FRMD3: variants seen among roughly 807,000 people sequenced by gnomAD.
FRMD3 encodes FERM domain containing 3, also known as FERM domain-containing protein 3.
Under a neutral mutation model 70.2 loss-of-function variants are expected in FRMD3, and 33 were observed. The observed-to-expected ratio is 0.47, with a 90% CI of 0.36 to 0.63. The LOEUF is 0.63. Ranked by LOEUF, FRMD3 falls within the 20% of genes least tolerant of loss-of-function variation. FRMD3 has a pLI of 0.00. For missense variants in FRMD3, 632 were observed against 711.4 expected, an observed-to-expected ratio of 0.89 and a Z score of 1.27; for synonymous variants, 279 against 255.9, an observed-to-expected ratio of 1.09 and a Z score of -0.86.
At chr9:83,452,342 C>A (rs544813147) in intron 1 of FRMD3, among the ~76,000 whole-genome samples, 1 of 152,244 alleles carries the variant, frequency 6.6e-6, no homozygotes, top group East Asian at 1.9e-4. Flanking sequence ...CTCCCTCAAA[C>A]CTTGTTACAA....
Position 83,530,703 on chromosome 9 carries a change from GT to G in FRMD3, c.147+7381del, listed in dbSNP as rs963929273. Among the ~76,000 whole-genome samples the G allele has an allele frequency of 7.9e-5, 12 of 151,586 alleles. No individual in the cohort carries two copies. The South Asian group carries it at 8.4e-4, about 11-fold the overall frequency. On this transcript the variant is annotated intron_variant, in intron 1 of 13. Coordinates refer to ENST00000304195, the MANE Select transcript of FRMD3 (RefSeq NM_174938.6). ...ATATCTTAGTATTATTTTGAAAATA[GT>G]TTTTTTTTAATAGCATGGACTCCAT...
At chr9:83,351,687 T>TGATA (rs10641248) in intron 3 of FRMD3, among the ~76,000 whole-genome samples, 57,489 of 145,384 alleles carry the variant, frequency 0.4, 11,308 homozygotes, top group Middle Eastern at 0.44. Flanking sequence ...GATAGTTACA[T>TGATA]GATAGATAGA....
chr9:83,274,929 G>T (rs569579300), intron 13 of FRMD3, among the ~76,000 whole-genome samples: 1 of 152,348 alleles, frequency 6.6e-6, no homozygotes, highest in African/African-American at 2.4e-5. Flanking sequence ...CTCAGTAGAC[G>T]TGGAGTGTGG....
At chr9:83,494,500 C>T (rs900758920) in intron 1 of FRMD3, among the ~76,000 whole-genome samples, 5 of 152,112 alleles carry the variant, frequency 3.3e-5, no homozygotes, top group African/African-American at 4.8e-5. Flanking sequence ...CCCTGGAAAC[C>T]CACCCCATCT....
At chr9:83,421,873 C>T (rs1826653639) in intron 1 of FRMD3, among the ~76,000 whole-genome samples, 1 of 152,130 alleles carries the variant, frequency 6.6e-6, no homozygotes, top group Non-Finnish European at 1.5e-5. Flanking sequence ...AGATAGCATG[C>T]AATTCACACA....
At chr9:83,467,762 G>C (rs1828168291) in intron 1 of FRMD3, 1 of 1,486,644 alleles carries the variant, frequency 6.7e-7, no homozygotes, top group East Asian at 2.5e-5. Flanking sequence ...GCTCGCTGCA[G>C]TTTGAATACT....
At chr9:83,538,711 G>A (rs1214470637), upstream of FRMD3, among the ~76,000 whole-genome samples, 2 of 152,200 alleles carry the variant, frequency 1.3e-5, no homozygotes, top group Non-Finnish European at 2.9e-5. The surrounding 1 kb of genome is among the most constrained non-coding windows in gnomAD (Gnocchi z 4.7). Flanking sequence ...CCCTCCCCTG[G>A]CCGCTGTCGC....
At chr9:83,417,015 TC>T (rs1213482987) in intron 1 of FRMD3, among the ~76,000 whole-genome samples, 1 of 152,082 alleles carries the variant, frequency 6.6e-6, no homozygotes, top group Non-Finnish European at 1.5e-5. Context: ...CCCAGGCCTC[TC>T]CAATGTTCAC....
At chr9:83,437,437 A>G (rs1827168377) in intron 1 of FRMD3, among the ~76,000 whole-genome samples, 1 of 152,176 alleles carries the variant, frequency 6.6e-6, no homozygotes, top group South Asian at 2.1e-4. Flanking sequence ...ACTCGTGCTC[A>G]TTCTATATTT....
intron 13 of FRMD3, among the ~76,000 whole-genome samples, chr9:83,290,038 T>A (rs1214384369): frequency 6.6e-6 from 1 of 152,098 alleles, no homozygotes; most frequent in Non-Finnish European, 1.5e-5. Context: ...AAATGAAGGA[T>A]CAAGAACAAG....
chr9:83,548,325 A>AG, the FRMD3 span, among the ~76,000 whole-genome samples: 2 of 152,212 alleles, frequency 1.3e-5, no homozygotes, highest in African/African-American at 4.8e-5. Flanking sequence ...AGCAACCAAT[A>AG]TGTCCTTTAA....
intron 12 of FRMD3, among the ~76,000 whole-genome samples, chr9:83,297,341 C>T (rs1289734067): frequency 6.6e-6 from 1 of 152,148 alleles, no homozygotes; most frequent in African/African-American, 2.4e-5. Context: ...ATGCCAGGTG[C>T]TCTCAGGGTG....
chr9:83,261,114 C>G (rs1832968502), intron 13 of FRMD3, among the ~76,000 whole-genome samples: 1 of 109,254 alleles, frequency 9.2e-6, no homozygotes, highest in African/African-American at 3.2e-5. Context: ...CACACACACA[C>G]ACACACACAC....
At chr9:83,244,089 T>C (rs1448277472), downstream of FRMD3, among the ~76,000 whole-genome samples, 2 of 151,606 alleles carry the variant, frequency 1.3e-5, no homozygotes, top group Non-Finnish European at 2.9e-5. Context: ...GATCGTGCCA[T>C]TGCACTCCAG....
chr9:83,412,712 T>C (rs1289624305), intron 1 of FRMD3, among the ~76,000 whole-genome samples: 3 of 152,182 alleles, frequency 2.0e-5, no homozygotes, highest in Non-Finnish European at 4.4e-5. Flanking sequence ...AATATGGTCC[T>C]GGCCGGGCAC....
intron 1 of FRMD3, among the ~76,000 whole-genome samples, chr9:83,451,510 C>T (rs912058475): frequency 6.6e-6 from 1 of 152,122 alleles, no homozygotes; most frequent in African/African-American, 2.4e-5. Context: ...AAACACTGTT[C>T]AGGTGACACT....
chr9:83,479,679 A>G (rs866553455), intron 1 of FRMD3, among the ~76,000 whole-genome samples: 4,408 of 60,374 alleles, frequency 0.073, 133 homozygotes, highest in African/African-American at 0.13. Flanking sequence ...AAGGAAAGAA[A>G]GAAAGAAAGA....
chr9:83,375,453 T>C (rs925310914), intron 2 of FRMD3, among the ~76,000 whole-genome samples: 1 of 152,212 alleles, frequency 6.6e-6, no homozygotes, highest in African/African-American at 2.4e-5. Context: ...CTCTACACAC[T>C]TTTCCAGAAC....
rs557556054 is a variant in FRMD3, at chr9:83,433,582, T to C, written c.148-43874A>G. On this transcript the variant is annotated intron_variant, in intron 1 of 13. Transcript: ENST00000304195. Reference sequence around the variant, plus strand: ...GCACTTTATTTCTATTATTATTACATTGTAATACATAATGAAATAATTATA... The same window carrying C: ...GCACTTTATTTCTATTATTATTACACTGTAATACATAATGAAATAATTATA... Among the ~76,000 whole-genome samples the C allele has an allele frequency of 2.6e-5, 4 of 152,340 alleles. No homozygotes were observed. In the South Asian group the frequency reaches 8.3e-4, roughly 32 times the overall value.
Sources: gnomAD v4.1 joint callset for allele counts (sites outside exome capture counted in the v4.1 genomes callset) on GRCh38, gnomAD v4.1.1 for gene constraint, Gnocchi (gnomAD v3.1) non-coding constraint, MANE v1.5 for transcripts, NCBI Gene and HGNC (gene_info 2026-07-23, HGNC 2026-07-21) for gene names.